The following DMRT1 variants were observed in gnomAD, a reference collection of about 807,000 sequenced individuals.
The protein encoded by DMRT1 is doublesex- and mab-3-related transcription factor 1.
DMRT1 carries 7 observed loss-of-function variants against 32.3 expected under a neutral mutation model. The observed-to-expected ratio is 0.22, with a 90% CI of 0.12 to 0.41. DMRT1 has a LOEUF of 0.41. DMRT1 is among the 10% of genes least tolerant of loss of function. The pLI is 1.00. For missense variants in DMRT1, 625 were observed against 500.5 expected, an observed-to-expected ratio of 1.25 and a Z score of -2.37; for synonymous variants, 278 against 206.1, an observed-to-expected ratio of 1.35 and a Z score of -2.99.
chr9:882,796 C>G (rs1436870027), intron 2 of DMRT1, among the ~76,000 whole-genome samples: 1 of 134,146 alleles, frequency 7.5e-6, no homozygotes, highest in Non-Finnish European at 1.5e-5. Flanking sequence ...CTGAGACAGT[C>G]TCACTCACTC....
intron 4 of DMRT1, among the ~76,000 whole-genome samples, chr9:964,605 A>G (rs540339193): frequency 1.3e-5 from 2 of 152,226 alleles, no homozygotes; most frequent in South Asian, 2.1e-4. Flanking sequence ...GGGTAGTATA[A>G]TCCTTAATTG....
In DMRT1 at chr9:934,435, G is replaced by A. The variant is rs142979755; in HGVS notation, c.967+17528G>A. Among the ~76,000 whole-genome samples the A allele has an allele frequency of 1.3e-3, 204 of 152,294 alleles. 1 individual carries two copies. Among genetic ancestry groups the A allele is most frequent in the African/African-American group, 4.9e-3 (203 of 41,562 alleles). On this transcript the variant is annotated intron_variant, in intron 4 of 4. Coordinates refer to ENST00000382276, the MANE Select transcript of DMRT1 (RefSeq NM_021951.3). ...AGTCCTAGCTATTCAGGAGGCTGAG[G>A]GAGGAGGATCACTTGAGCCCAGGAG...
chr9:842,030 T>G lies in DMRT1; in HGVS notation c.192T>G (p.Gly64=). 2.6e-6 allele frequency: 4 copies of G among 1,547,918 alleles called. No homozygotes were observed. In the South Asian group the frequency reaches 3.5e-5, roughly 14 times the overall value. Residue 64 remains glycine, a synonymous_variant, in exon 1 of 5, where the codon GGT becomes GGG. Transcript: ENST00000382276. Reference sequence around the variant, plus strand: ...CCGGCTCCGGGGCGTCGGACCTGGGTGCCGGGAGCAAGAAGTCCCCGCGGC... The same window carrying G: ...CCGGCTCCGGGGCGTCGGACCTGGGGGCCGGGAGCAAGAAGTCCCCGCGGC... ...GGSGSGASDL[G]AGSKKSPRLP... is the part of the protein sequence containing the mutation.
chr9:885,327 G>C (rs147079233), intron 2 of DMRT1, among the ~76,000 whole-genome samples: 2 of 152,298 alleles, frequency 1.3e-5, no homozygotes, highest in Non-Finnish European at 2.9e-5. Context: ...TTCTTGCCTT[G>C]GTGTACCAAA....
intron 1 of DMRT1, among the ~76,000 whole-genome samples, chr9:843,716 T>C (rs1838788827): frequency 6.6e-6 from 1 of 152,224 alleles, no homozygotes; most frequent in Non-Finnish European, 1.5e-5. Flanking sequence ...CGAAGAAATG[T>C]TTGCTAACGA....
Position 968,245 on chromosome 9 carries a change from G to GAAC in DMRT1, c.*107_*109dup. On this transcript the variant is annotated 3_prime_UTR_variant, in exon 5 of 5. Transcript: ENST00000382276. ...TGACTCATACTATCTTAACTGTTGA[G>GAAC]AACGTATTTGGTTTATATTCCTTAG... 7.2e-7 allele frequency: 1 copy of GAAC among 1,390,664 alleles called. No homozygotes were observed. Among genetic ancestry groups the GAAC allele is most frequent in the South Asian group, 1.2e-5 (1 of 80,798 alleles). The allele number at this position is 1,390,664 out of a possible 1,614,324, so 86.1% of individuals were successfully genotyped here. A position where few individuals can be genotyped will look rare whatever the true frequency, so the allele number is the denominator to read the frequency against.
intron 4 of DMRT1, among the ~76,000 whole-genome samples, chr9:921,460 A>T (rs549997069): frequency 6.6e-6 from 1 of 152,182 alleles, no homozygotes. Flanking sequence ...ACATTTGTGT[A>T]CAAGTCTTTG....
At chr9:865,600 G>A (rs1815946648) in intron 2 of DMRT1, among the ~76,000 whole-genome samples, 1 of 152,094 alleles carries the variant, frequency 6.6e-6, no homozygotes, top group African/African-American at 2.4e-5. Flanking sequence ...TTATCCTGTA[G>A]CAATAAACAA....
At chr9:920,062 A>T (rs181130288) in intron 4 of DMRT1, among the ~76,000 whole-genome samples, 7 of 152,298 alleles carry the variant, frequency 4.6e-5, no homozygotes, top group African/African-American at 1.4e-4. Context: ...TACGAGTTTA[A>T]CTTTGCATGT....
intron 3 of DMRT1, among the ~76,000 whole-genome samples, chr9:895,945 C>T (rs956668193): frequency 6.0e-5 from 9 of 150,656 alleles, no homozygotes; most frequent in African/African-American, 2.2e-4. Flanking sequence ...GCTGGGACTA[C>T]AGGCACGCGC....
intron 2 of DMRT1, among the ~76,000 whole-genome samples, chr9:851,042 A>AAAG (rs1249990811): frequency 3.9e-5 from 2 of 51,620 alleles, no homozygotes; most frequent in Admixed American, 1.9e-4. Context: ...AAAAAAAAAA[A>AAAG]AAAGAAAGAA....
chr9:846,891 G>A, intron 1 of DMRT1, 69 bp from the exon 2 acceptor site: 1 of 1,579,566 alleles, frequency 6.3e-7, no homozygotes, highest in Non-Finnish European at 8.7e-7. Flanking sequence ...TGGGATGGGT[G>A]GGGCTTCTGT....
intron 4 of DMRT1, among the ~76,000 whole-genome samples, chr9:929,554 G>C (rs1191890652): frequency 6.6e-6 from 1 of 151,728 alleles, no homozygotes; most frequent in African/African-American, 2.4e-5. Context: ...CCTTCTGCTT[G>C]GGTGATACAT....
At chr9:952,641 C>G (rs1819465441) in intron 4 of DMRT1, among the ~76,000 whole-genome samples, 1 of 152,158 alleles carries the variant, frequency 6.6e-6, no homozygotes, top group Non-Finnish European at 1.5e-5. Flanking sequence ...CTGCTCTTTG[C>G]CCTGAGCTTC....
intron 3 of DMRT1, among the ~76,000 whole-genome samples, chr9:916,196 C>G (rs191471222): frequency 5.9e-5 from 9 of 152,314 alleles, no homozygotes; most frequent in East Asian, 1.9e-4. Context: ...CTCCACCACC[C>G]TGTTCTCTTT....
chr9:942,464 G>C (rs1819107961), intron 4 of DMRT1, among the ~76,000 whole-genome samples: 1 of 152,026 alleles, frequency 6.6e-6, no homozygotes, highest in Non-Finnish European at 1.5e-5. Context: ...GTAGCGATGG[G>C]GTTTAGCCAT....
At chr9:880,804 T>A (rs1564219693) in intron 2 of DMRT1, among the ~76,000 whole-genome samples, 1 of 151,824 alleles carries the variant, frequency 6.6e-6, no homozygotes, top group Non-Finnish European at 1.5e-5. Context: ...ACCAGCGGCC[T>A]TCCCCACCCT....
At chr9:851,227 A>C (rs1357598006) in intron 2 of DMRT1, among the ~76,000 whole-genome samples, 1 of 151,952 alleles carries the variant, frequency 6.6e-6, no homozygotes, top group Non-Finnish European at 1.5e-5. Context: ...AGTGAAATTT[A>C]GTCAACTTTT....
intron 3 of DMRT1, among the ~76,000 whole-genome samples, chr9:906,469 CT>C (rs1817781792): frequency 6.6e-6 from 1 of 152,196 alleles, no homozygotes; most frequent in South Asian, 2.1e-4. Context: ...TTTTCCTATA[CT>C]GCTGATAGGG....
Sources: allele counts gnomAD v4.1 joint callset (sites outside exome capture counted in the v4.1 genomes callset), GRCh38; gene constraint gnomAD v4.1.1; transcripts MANE v1.5; gene names NCBI Gene and HGNC (gene_info 2026-07-23, HGNC 2026-07-21).